Variants in AFF4 observed in about 807,000 individuals in gnomAD.
The protein encoded by AFF4 is AF4/FMR2 family member 4.
In AFF4, 13 loss-of-function variants were observed where a neutral mutation model predicts 124.8. The ratio of observed to expected loss-of-function variants is 0.10; its 90% CI spans 0.07 to 0.17. The LOEUF (loss-of-function observed/expected upper bound fraction) is 0.17, where lower values mean the gene tolerates loss of function less well. Among genes scored for constraint, AFF4 ranks in the 10% least tolerant of loss-of-function variants. The pLI is 1.00. For missense variants in AFF4, 1,092 were observed against 1,403.8 expected (o/e 0.78, Z 3.55); for synonymous variants, 477 against 496.1 (o/e 0.96, Z 0.51).
intron 5 of AFF4, among the ~76,000 whole-genome samples, chr5:132,908,776 AT>A (rs386405007): frequency 8.8e-4 from 101 of 114,884 alleles, no homozygotes; most frequent in Middle Eastern, 5.0e-3. Flanking sequence ...ATATATATAT[AT>A]TTTTTTTTTT....
At chr5:132,914,610 A>C (rs1375611957) in intron 5 of AFF4, among the ~76,000 whole-genome samples, 1 of 152,070 alleles carries the variant, frequency 6.6e-6, no homozygotes, top group Non-Finnish European at 1.5e-5. Flanking sequence ...CAAAAAAAAA[A>C]AAGAAGAACA....
At position 132,882,833 on chromosome 5, in the gene AFF4, A is replaced by G. The variant is rs567174040; in HGVS notation, c.3364+507T>C. Among the ~76,000 whole-genome samples, 601 of 148,148 alleles carry G rather than the reference A, an allele frequency of 4.1e-3. 4 individuals carry two copies. Among genetic ancestry groups the G allele is most frequent in the Non-Finnish European group, 6.6e-3 (440 of 66,900 alleles). On this transcript the variant is annotated intron_variant, in intron 20 of 20. Transcript: ENST00000265343. Reference sequence around the variant, plus strand: ...CGTGCCACTGTGCTCCAGCCTGGGCAACAAAAGCGAAACTCCATCTCAAAA... The same window carrying G: ...CGTGCCACTGTGCTCCAGCCTGGGCGACAAAAGCGAAACTCCATCTCAAAA...
At chr5:132,921,473 CTTT>C (rs142500965) in intron 5 of AFF4, among the ~76,000 whole-genome samples, 4 of 119,892 alleles carry the variant, frequency 3.3e-5, no homozygotes, top group Admixed American at 8.0e-5. Flanking sequence ...TTTTTTTTTT[CTTT>C]TTTTTTTTTT....
intron 1 of AFF4, among the ~76,000 whole-genome samples, chr5:132,959,838 C>T (rs1426660244): frequency 7.1e-6 from 1 of 140,350 alleles, no homozygotes; most frequent in East Asian, 2.4e-4. Flanking sequence ...GATCTCGACT[C>T]ACTGCAAGCT....
At chr5:132,927,250 A>G (rs1444432323) in intron 4 of AFF4, 43 bp from the exon 5 acceptor site, 3 of 1,557,132 alleles carry the variant, frequency 1.9e-6, no homozygotes, top group Non-Finnish European at 2.6e-6. Flanking sequence ...CAGGTCAAGG[A>G]TAAAAATTAT....
At chr5:132,920,355 CA>C (rs1312898154) in intron 5 of AFF4, among the ~76,000 whole-genome samples, 25 of 123,516 alleles carry the variant, frequency 2.0e-4, no homozygotes, top group Non-Finnish European at 3.7e-4. Context: ...AGCGGGCAAA[CA>C]TTTTTTTTTT....
Position 132,927,091 on chromosome 5 carries a change from C to T in AFF4, c.1050+30G>A, listed in dbSNP as rs553405669. The T allele has an allele frequency of 2.9e-4, 461 of 1,582,836 alleles. 6 individuals carry two copies. In the South Asian group the frequency reaches 4.9e-3, roughly 17 times the overall value. On this transcript the variant is annotated intron_variant, in intron 5 of 20. Transcript: ENST00000265343. ...AGTCAAGCCATTTAGAGTTTTCTTA[C>T]ATTATGAAAGATACATTTTATTTAC...
chr5:132,925,751 A>T (rs1761156003), intron 5 of AFF4, among the ~76,000 whole-genome samples: 1 of 152,210 alleles, frequency 6.6e-6, no homozygotes, highest in Admixed American at 6.5e-5. Flanking sequence ...AATAATATCA[A>T]ATGGTGGTGT....
In AFF4 at chr5:132,892,195, C is replaced by T. The variant is rs1255383417; in HGVS notation, c.2606G>A (p.Gly869Glu). Reference protein sequence around the residue: ...SSTSKQKKTEGKTSSSSKEVK... With the variant: ...SSTSKQKKTEEKTSSSSKEVK... Reference sequence around the variant, plus strand: ...CTCCTTGGAGCTACTGGAAGTCTTCCCTTCGGTCTTCTTCTGCTTTGATGT... The same window carrying T: ...CTCCTTGGAGCTACTGGAAGTCTTCTCTTCGGTCTTCTTCTGCTTTGATGT... The change falls in exon 13 of 21, where the codon GGG (glycine) becomes GAG (glutamate). Residue 869 changes from glycine (G) to glutamate (E), a missense_variant. Physicochemically the swap from Gly to Glu is moderately conservative, Grantham distance 98. This residue lies in a region of AFF4 where 293 missense variants were observed against 280.2 expected (regional missense o/e 1.05). Coordinates refer to ENST00000265343, the MANE Select transcript of AFF4 (RefSeq NM_014423.4). 2.5e-5 allele frequency: 41 copies of T among 1,613,970 alleles called. No homozygotes were observed. Among genetic ancestry groups the T allele is most frequent in the Non-Finnish European group, 3.5e-5 (41 of 1,180,032 alleles).
chr5:132,921,918 C>A (rs749570330), intron 5 of AFF4, among the ~76,000 whole-genome samples: 11 of 147,720 alleles, frequency 7.4e-5, no homozygotes, highest in African/African-American at 1.3e-4. Flanking sequence ...GTGGCTGAGA[C>A]TACAGGCCTG....
chr5:132,961,067 C>CA (rs1159168620), intron 1 of AFF4, among the ~76,000 whole-genome samples: 19 of 151,958 alleles, frequency 1.3e-4, no homozygotes, highest in Admixed American at 1.2e-3. Flanking sequence ...ACTAAAAATA[C>CA]AAAAAACATT....
chr5:132,946,698 A>C (rs1471879505), intron 1 of AFF4, among the ~76,000 whole-genome samples: 1 of 152,198 alleles, frequency 6.6e-6, no homozygotes, highest in Non-Finnish European at 1.5e-5. Flanking sequence ...AAAGTTCTGG[A>C]AACAGACAGT....
intron 1 of AFF4, among the ~76,000 whole-genome samples, chr5:132,940,114 T>C (rs1335070638): frequency 1.3e-5 from 2 of 151,088 alleles, no homozygotes; most frequent in East Asian, 3.9e-4. Flanking sequence ...GCAGGAGAAC[T>C]GCATGAACCT....
At chr5:132,912,246 G>A (rs1227389035) in intron 5 of AFF4, among the ~76,000 whole-genome samples, 1 of 151,726 alleles carries the variant, frequency 6.6e-6, no homozygotes, top group African/African-American at 2.4e-5. Flanking sequence ...TCCAGAGACT[G>A]AGGCAGAATT....
intron 5 of AFF4, among the ~76,000 whole-genome samples, chr5:132,926,450 T>C (rs1411168298): frequency 1.3e-5 from 2 of 152,134 alleles, no homozygotes; most frequent in Non-Finnish European, 2.9e-5. Flanking sequence ...CTATGTCTTA[T>C]GGAAACAGGT....
chr5:132,942,006 C>CAAA (rs781367169), intron 1 of AFF4, among the ~76,000 whole-genome samples: 7 of 100,756 alleles, frequency 6.9e-5, no homozygotes, highest in African/African-American at 2.6e-4. Context: ...GACTCCATCT[C>CAAA]AAAAAAAAAA....
intron 5 of AFF4, among the ~76,000 whole-genome samples, chr5:132,914,524 C>A (rs1320463346): frequency 4.0e-5 from 6 of 151,590 alleles, no homozygotes; most frequent in Non-Finnish European, 1.5e-5. Flanking sequence ...TCGCTTGAAC[C>A]CGGAAGGTGG....
chr5:132,898,459 T>TG, intron 9 of AFF4, 67 bp from the exon 10 acceptor site: 3 of 1,315,550 alleles, frequency 2.3e-6, no homozygotes, highest in Non-Finnish European at 3.1e-6. Flanking sequence ...AACATCCAAA[T>TG]CGACAACCAA....
chr5:132,886,418 A>C lies in AFF4; in HGVS notation c.3006-15T>G. 1 of 1,612,080 alleles carries C rather than the reference A, an allele frequency of 6.2e-7. No homozygotes were observed. Among genetic ancestry groups the C allele is most frequent in the Non-Finnish European group, 8.5e-7 (1 of 1,179,040 alleles). On this transcript the variant is annotated splice_polypyrimidine_tract_variant and intron_variant, in intron 17 of 20. Transcript: ENST00000265343. ...CGCATCGCAGGCTAGCCAATGGAAA[A>C]GGGCGGCTTATTTACCAGGACAGCA...
Sources: allele counts gnomAD v4.1 joint callset (sites outside exome capture counted in the v4.1 genomes callset), GRCh38; gene constraint gnomAD v4.1.1; regional missense constraint gnomAD v4.1.1; transcripts MANE v1.5; gene names NCBI Gene and HGNC (gene_info 2026-07-23, HGNC 2026-07-21).